Variants in CACNB1 observed in about 807,000 individuals in gnomAD.
CACNB1 encodes voltage-dependent L-type calcium channel subunit beta-1.
In CACNB1, 29 loss-of-function variants were observed where a neutral mutation model predicts 71.6. The ratio of observed to expected loss-of-function variants is 0.40; its 90% CI spans 0.30 to 0.55. The LOEUF is 0.55. Among genes scored for constraint, CACNB1 ranks in the 20% least tolerant of loss-of-function variants. The pLI is 0.38. For synonymous variants in CACNB1, 300 were observed against 319.6 expected (o/e 0.94, Z 0.65); for missense variants, 623 against 801.8 (o/e 0.78, Z 2.69).
At chr17:39,185,186 G>C (rs964002806) in intron 6 of CACNB1, 36 bp from the exon 7 acceptor site, 2 of 1,594,040 alleles carry the variant, frequency 1.3e-6, no homozygotes, top group Admixed American at 1.7e-5. Flanking sequence ...GGAAGGGGGA[G>C]GAGAGAGGGA....
At chr17:39,178,906 GGACA>G (rs1409289229) in intron 11 of CACNB1, among the ~76,000 whole-genome samples, 1 of 152,110 alleles carries the variant, frequency 6.6e-6, no homozygotes, top group East Asian at 1.9e-4. Context: ...GCACACTGAG[GGACA>G]GACAGTCTAC....
At position 39,187,731 on chromosome 17, in the gene CACNB1, G is replaced by T. The variant is rs1597706995; in HGVS notation, c.292-130C>A. On this transcript the variant is annotated intron_variant, in intron 3 of 13. Transcript: ENST00000394303. Reference sequence around the variant, plus strand: ...AGTTCCTTGAAATGTGTATGGACATGGGCAGGGTGTGGTGGCTCACACCTG... The same window carrying T: ...AGTTCCTTGAAATGTGTATGGACATTGGCAGGGTGTGGTGGCTCACACCTG... The T allele has an allele frequency of 6.4e-6, 7 of 1,101,554 alleles. No homozygotes were observed. In the East Asian group the frequency reaches 1.7e-4, roughly 28 times the overall value. The allele number at this position is 1,101,554 out of a possible 1,614,324, so 68.2% of individuals were successfully genotyped here.
Position 39,186,433 on chromosome 17 carries a change from G to C in CACNB1, c.628+63C>G. ...TACTGCAGGGAAAGGAGGATTCAGG[G>C]AGTGGGGAGACCACCCCACCCAGGA... On this transcript the variant is annotated intron_variant, in intron 6 of 13. Coordinates refer to ENST00000394303, the MANE Select transcript of CACNB1 (RefSeq NM_000723.5). The surrounding 1 kb of genome is among the most constrained non-coding windows in gnomAD (Gnocchi z 4.1). The C allele has an allele frequency of 8.2e-7, 1 of 1,215,330 alleles. No homozygotes were observed. The highest frequency in any genetic ancestry group is 1.2e-6 in the Non-Finnish European group (1 of 840,324). The allele number at this position is 1,215,330 out of a possible 1,614,324, so 75.3% of individuals were successfully genotyped here. A position where few individuals can be genotyped will look rare whatever the true frequency, so the allele number is the denominator to read the frequency against.
chr17:39,174,976 C>G lies in CACNB1; in HGVS notation c.*217G>C. On this transcript the variant is annotated 3_prime_UTR_variant, in exon 14 of 14. Coordinates refer to ENST00000394303, the MANE Select transcript of CACNB1 (RefSeq NM_000723.5). ...CTTCAGAAAGGTGGGTATCCCCCAT[C>G]CATCCACAACAGGCAGGTAAAAACC... 1 of 571,968 alleles carries G rather than the reference C, an allele frequency of 1.7e-6. No homozygotes were observed. The highest frequency in any genetic ancestry group is 3.1e-6 in the Non-Finnish European group (1 of 324,138). 35.4% of individuals were successfully genotyped at this position (571,968 alleles called of 1,614,324 possible).
chr17:39,182,877 T>TA (rs1349514123), intron 11 of CACNB1: 1 of 818,074 alleles, frequency 1.2e-6, no homozygotes, highest in African/African-American at 1.9e-5. Flanking sequence ...CCAAGTTCAA[T>TA]AAAAAACAAC....
intron 11 of CACNB1, chr17:39,178,289 A>G: frequency 2.2e-6 from 1 of 453,088 alleles, no homozygotes; most frequent in South Asian, 3.3e-5. Flanking sequence ...TCCTGGTGTT[A>G]TGCCAGCCTT....
At chr17:39,196,859 A>G (rs1037097723) in intron 1 of CACNB1, among the ~76,000 whole-genome samples, 12 of 151,868 alleles carry the variant, frequency 7.9e-5, no homozygotes, top group African/African-American at 2.7e-4. Flanking sequence ...GATGGAGCCC[A>G]GGTGGCTGGG....
chr17:39,185,221 G>T, intron 6 of CACNB1, 71 bp from the exon 7 acceptor site: 1 of 1,221,618 alleles, frequency 8.2e-7, no homozygotes, highest in South Asian at 1.2e-5. Flanking sequence ...GGGGCAGAGG[G>T]CAAGGCAGGA....
In CACNB1 at chr17:39,175,432, CA is replaced by C. The variant is rs994620984; in HGVS notation, c.1557del (p.Cys519TrpfsTer41). The C allele has an allele frequency of 6.2e-7, 1 of 1,614,126 alleles. No individual in the cohort carries two copies. The highest frequency in any genetic ancestry group is 1.3e-5 in the African/African-American group (1 of 74,956). ...NSAYTELGDS[C>X]VDMETDPSEG... ...TCTGAGGGGTCAGTCTCCATGTCCA[CA>C]CATGAGTCTCCCAGCTCCGTGTAGG... is the stretch of plus-strand genomic sequence containing the variant. On this transcript the variant is annotated frameshift_variant, in exon 14 of 14. Transcript: ENST00000394303. LOFTEE classifies it high-confidence loss of function. The surrounding 1 kb of genome is among the most constrained non-coding windows in gnomAD (Gnocchi z 4.7).
chr17:39,183,337 A>G (rs11869710), intron 11 of CACNB1, among the ~76,000 whole-genome samples: 65 of 130,278 alleles, frequency 5.0e-4, no homozygotes, highest in African/African-American at 1.3e-3. Context: ...GACTTAAAAA[A>G]AAGAAGAAGA....
intron 13 of CACNB1, among the ~76,000 whole-genome samples, chr17:39,176,456 T>C (rs1333106754): frequency 6.6e-6 from 1 of 152,140 alleles, no homozygotes; most frequent in Non-Finnish European, 1.5e-5. Context: ...TCCAAACTGT[T>C]ACCTAGAGAT....
rs975927719 is a variant in CACNB1, at chr17:39,173,483, T to C, written c.*1710A>G. 1.3e-5 allele frequency: 2 copies of C among 152,352 alleles called. No homozygotes were observed. The highest frequency in any genetic ancestry group is 2.4e-5 in the African/African-American group (1 of 41,456). The allele number at this position is 152,352 out of a possible 1,614,324, so 9.4% of individuals were successfully genotyped here. A position where few individuals can be genotyped will look rare whatever the true frequency, so the allele number is the denominator to read the frequency against. Reference sequence around the variant, plus strand: ...AAAACAGTCATGTGTATTTAAGACATTGCACCAGTGGGTCTGGATCTCACC... The same window carrying C: ...AAAACAGTCATGTGTATTTAAGACACTGCACCAGTGGGTCTGGATCTCACC... On this transcript the variant is annotated 3_prime_UTR_variant, in exon 14 of 14. Coordinates refer to ENST00000394303, the MANE Select transcript of CACNB1 (RefSeq NM_000723.5).
chr17:39,184,408 G>T, intron 8 of CACNB1, 25 bp from the exon 9 acceptor site: 1 of 1,150,528 alleles, frequency 8.7e-7, no homozygotes, highest in Non-Finnish European at 1.3e-6. Flanking sequence ...TTGTGGGGAG[G>T]GAGGGAGGAG....
chr17:39,185,882 C>T, intron 6 of CACNB1: 7 of 1,524,424 alleles, frequency 4.6e-6, no homozygotes, highest in Non-Finnish European at 6.2e-6. Flanking sequence ...TCCATTACAG[C>T]CCCCTTCCCT....
At chr17:39,185,230 G>A (rs897093386) in intron 6 of CACNB1, 80 bp from the exon 7 acceptor site, 10 of 1,107,224 alleles carry the variant, frequency 9.0e-6, no homozygotes, top group African/African-American at 4.6e-5. Context: ...GGCAAGGCAG[G>A]AGCCAGGACA....
intron 11 of CACNB1, 42 bp downstream of exon 11, chr17:39,183,671 C>G: frequency 1.3e-6 from 2 of 1,492,006 alleles, no homozygotes; most frequent in South Asian, 2.6e-5. Context: ...GCAGCCCTTT[C>G]AAACCACGCT....
At chr17:39,183,890 G>A (rs376184673) in intron 10 of CACNB1, 26 bp from the exon 11 acceptor site, 1 of 1,605,708 alleles carries the variant, frequency 6.2e-7, no homozygotes, top group Non-Finnish European at 8.5e-7. Context: ...CATGTGGATG[G>A]GGGAATGTCA....
intron 3 of CACNB1, among the ~76,000 whole-genome samples, chr17:39,188,635 A>G (rs1401395169): frequency 1.3e-5 from 2 of 152,222 alleles, no homozygotes; most frequent in Non-Finnish European, 2.9e-5. Context: ...AACTTTTACA[A>G]TAAAAAACAA....
intron 11 of CACNB1, among the ~76,000 whole-genome samples, chr17:39,179,478 G>C (rs1187390294): frequency 6.6e-6 from 1 of 151,602 alleles, no homozygotes; most frequent in Non-Finnish European, 1.5e-5. Context: ...CTACTTGGGA[G>C]GCTGAGGCAG....
Sources: gnomAD v4.1 joint callset for allele counts (sites outside exome capture counted in the v4.1 genomes callset) on GRCh38, gnomAD v4.1.1 for gene constraint, Gnocchi (gnomAD v3.1) non-coding constraint, MANE v1.5 for transcripts, NCBI Gene and HGNC (gene_info 2026-07-23, HGNC 2026-07-21) for gene names.